Variants in HAUS7 observed in about 807,000 individuals in gnomAD.
HAUS7 encodes HAUS augmin like complex subunit 7.
A neutral mutation model predicts 28.4 loss-of-function variants in HAUS7; 3 were observed. The observed-to-expected ratio is 0.11, with a 90% CI of 0.05 to 0.27. The LOEUF (loss-of-function observed/expected upper bound fraction) is 0.27. HAUS7 is among the 10% of genes least tolerant of loss of function. HAUS7 has a pLI of 1.00. For missense variants in HAUS7, 284 were observed against 297.3 expected (o/e 0.96, Z 0.33); for synonymous variants, 165 against 132.1 (o/e 1.25, Z -1.71).
At chrX:153,486,275 C>T (rs782136050) in intron 1 of HAUS7, among the ~76,000 whole-genome samples, 26 of 112,834 alleles carry the variant, frequency 2.3e-4, no homozygotes, top group Admixed American at 2.1e-3. Context: ...AGTCGGGGCT[C>T]ATCCATCCTC....
intron 1 of HAUS7, chrX:153,495,019 G>A (rs1236163148): frequency 9.2e-6 from 1 of 108,591 alleles, no homozygotes; most frequent in Non-Finnish European, 1.9e-5. Context: ...AGCTGCTTTC[G>A]GTCCGCCGGA....
At chrX:153,450,951 T>C (rs2124059648) in intron 9 of HAUS7, among the ~76,000 whole-genome samples, 1 of 112,212 alleles carries the variant, frequency 8.9e-6, no homozygotes, top group South Asian at 3.7e-4. Flanking sequence ...ATGCTGACCC[T>C]TTCTCTGGTG....
intron 1 of HAUS7, chrX:153,481,394 G>A (rs995634657): frequency 9.3e-6 from 7 of 753,296 alleles, no homozygotes; most frequent in Non-Finnish European, 1.1e-5. Context: ...AGGATCCGGC[G>A]CCCACAGAAG....
chrX:153,464,406 T>C (rs940083477), intron 3 of HAUS7, among the ~76,000 whole-genome samples: 6 of 112,435 alleles, frequency 5.3e-5, no homozygotes, highest in African/African-American at 1.9e-4. Context: ...AGATAACTCA[T>C]GTGGCAATGC....
intron 2 of HAUS7, among the ~76,000 whole-genome samples, chrX:153,466,031 G>A (rs2089451049): frequency 8.9e-6 from 1 of 112,827 alleles, no homozygotes; most frequent in East Asian, 2.8e-4. Context: ...CTCGTGTGGT[G>A]GGAAAGGGCT....
rs782390202 is a variant in HAUS7 at position 153,468,938 on chromosome X, G to A, written c.224+208C>T. Reference sequence around the variant, plus strand: ...GGGGTGGCTGGACTAGCCCAGCACCGCCAGGGGCCACTTTGCCCCAAGTTT... The same window carrying A: ...GGGGTGGCTGGACTAGCCCAGCACCACCAGGGGCCACTTTGCCCCAAGTTT... On this transcript the variant is annotated intron_variant, in intron 2 of 9. Transcript: ENST00000370211. Among the ~76,000 whole-genome samples the A allele has an allele frequency of 1.1e-4, 13 of 113,140 alleles. No homozygotes were observed. The South Asian group carries it at 3.6e-3, about 31-fold the overall frequency.
intron 1 of HAUS7, chrX:153,479,378 C>T: frequency 1.3e-6 from 1 of 754,285 alleles, no homozygotes; most frequent in Non-Finnish European, 1.6e-6. Context: ...CCACCAGGGG[C>T]CCCCGACGGT....
At chrX:153,493,812 C>T (rs12559378) in intron 1 of HAUS7, among the ~76,000 whole-genome samples, 1,566 of 111,788 alleles carry the variant, frequency 0.014, 6 homozygotes, top group Non-Finnish European at 0.021. Context: ...CAGACCCCAC[C>T]CCCCGGTTGA....
chrX:153,451,626 C>A (rs1434140355), intron 9 of HAUS7, among the ~76,000 whole-genome samples: 1 of 112,195 alleles, frequency 8.9e-6, no homozygotes, highest in Non-Finnish European at 1.9e-5. Flanking sequence ...GGGGGTGCAA[C>A]AGTGGAAAAC....
intron 1 of HAUS7, chrX:153,486,796 GA>G (rs1569531790): frequency 1.0e-6 from 1 of 982,931 alleles, no homozygotes; most frequent in South Asian, 2.0e-5. Flanking sequence ...GCGGCGGGGG[GA>G]GGAGGGCTCC....
At chrX:153,465,312 CAAAAAA>C (rs72146941) in intron 2 of HAUS7, among the ~76,000 whole-genome samples, 1 of 57,174 alleles carries the variant, frequency 1.7e-5, no homozygotes, top group Non-Finnish European at 3.2e-5. Context: ...TTCTCAAGAC[CAAAAAA>C]AAAAAAAAAA....
intron 4 of HAUS7, 127 bp downstream of exon 4, chrX:153,462,483 C>T (rs1556983574): frequency 1.7e-6 from 1 of 587,771 alleles, no homozygotes; most frequent in East Asian, 3.6e-5. Flanking sequence ...CAGCCGGCCC[C>T]AGGGCCTGAG....
At chrX:153,478,075 C>T (rs1728108181) in intron 1 of HAUS7, among the ~76,000 whole-genome samples, 1 of 112,690 alleles carries the variant, frequency 8.9e-6, no homozygotes, top group Non-Finnish European at 1.9e-5. Context: ...CCACAATTAA[C>T]TCATTTCTTA....
chrX:153,493,253 G>A (rs2089682604), intron 1 of HAUS7, among the ~76,000 whole-genome samples: 1 of 112,288 alleles, frequency 8.9e-6, no homozygotes, highest in African/African-American at 3.2e-5. Flanking sequence ...CATTTCAAAT[G>A]AATGGAACCA....
chrX:153,457,618 C>T (rs781943433), intron 4 of HAUS7, among the ~76,000 whole-genome samples: 2 of 113,277 alleles, frequency 1.8e-5, no homozygotes, highest in South Asian at 3.6e-4. Context: ...CAAGGATCGC[C>T]GTCCCAGCTG....
At chrX:153,459,259 T>C (rs1415587847) in intron 4 of HAUS7, among the ~76,000 whole-genome samples, 1 of 112,054 alleles carries the variant, frequency 8.9e-6, no homozygotes, top group East Asian at 2.8e-4. Flanking sequence ...TCTTATTGAG[T>C]TGTAAGGGTT....
intron 1 of HAUS7, chrX:153,480,860 C>G (rs782484095): frequency 1.3e-6 from 1 of 753,867 alleles, no homozygotes; most frequent in African/African-American, 2.3e-5. Context: ...CAGGGAAGCC[C>G]GAGGCCTTGA....
At chrX:153,479,967 C>T (rs2124173000) in intron 1 of HAUS7, among the ~76,000 whole-genome samples, 1 of 111,794 alleles carries the variant, frequency 8.9e-6, no homozygotes, top group Admixed American at 9.4e-5. Context: ...TTGAGGTGGC[C>T]CCTGGGCTTG....
intron 2 of HAUS7, among the ~76,000 whole-genome samples, chrX:153,467,544 C>T (rs1556984440): frequency 9.0e-6 from 1 of 111,662 alleles, no homozygotes; most frequent in East Asian, 2.8e-4. Context: ...ACGAGCACCC[C>T]GCTGTTACCG....
Sources: allele counts gnomAD v4.1 joint callset (sites outside exome capture counted in the v4.1 genomes callset), GRCh38; gene constraint gnomAD v4.1.1; transcripts MANE v1.5; gene names NCBI Gene and HGNC (gene_info 2026-07-23, HGNC 2026-07-21).